TMEM45A: variants seen among roughly 807,000 people sequenced by gnomAD.
The protein encoded by TMEM45A is transmembrane protein 45A, also known as DNA polymerase-transactivated protein 4.
TMEM45A carries 25 observed loss-of-function variants against 32.0 expected under a neutral mutation model. That is an observed-to-expected ratio of 0.78 (90% CI 0.57 to 1.09). The LOEUF is 1.09. TMEM45A is among the 50% of genes least tolerant of loss of function. The pLI is 0.00. For missense variants in TMEM45A, 302 were observed against 325.0 expected (o/e 0.93, Z 0.54); for synonymous variants, 122 against 114.8 (o/e 1.06, Z -0.40).
chr3:100,564,783 C>T (rs758541588), intron 4 of TMEM45A, among the ~76,000 whole-genome samples: 9 of 152,228 alleles, frequency 5.9e-5, no homozygotes, highest in South Asian at 2.1e-4. Flanking sequence ...CACACCTGGC[C>T]GCAAATTATT....
In TMEM45A at chr3:100,505,077, A is replaced by G. The variant is rs568131483; in HGVS notation, c.-4+12149A>G. Reference sequence around the variant, plus strand: ...GTTGACCGTGTGGTTGTTGTCACAGACTCATTGCTGGGGAGTGTGGCTACC... The same window carrying G: ...GTTGACCGTGTGGTTGTTGTCACAGGCTCATTGCTGGGGAGTGTGGCTACC... On this transcript the variant is annotated intron_variant, in intron 1 of 5. Coordinates refer to ENST00000323523, the MANE Select transcript of TMEM45A (RefSeq NM_018004.3). Among the ~76,000 whole-genome samples the G allele has an allele frequency of 9.2e-5, 14 of 152,252 alleles. No homozygotes were observed. The East Asian group carries it at 2.7e-3, about 29-fold the overall frequency.
At chr3:100,573,990 A>G (rs1459850745) in intron 5 of TMEM45A, 1 of 152,080 alleles carries the variant, frequency 6.6e-6, no homozygotes, top group Non-Finnish European at 1.5e-5. Context: ...GTGCTGCTGG[A>G]TTCGGTTTGC....
rs1169471397 is a variant in TMEM45A at position 100,498,859 on chromosome 3, A to G, written c.-4+5931A>G. 2.6e-5 allele frequency among the ~76,000 whole-genome samples: 4 copies of G among 152,256 alleles called. No homozygotes were observed. The East Asian group carries it at 5.8e-4, about 22-fold the overall frequency. On this transcript the variant is annotated intron_variant, in intron 1 of 5. Coordinates refer to ENST00000323523, the MANE Select transcript of TMEM45A (RefSeq NM_018004.3). ...CCTACAGCAGTACACAAGGGTCTCA[A>G]TTTCTCCACATTCTTACCAACACTT...
intron 1 of TMEM45A, among the ~76,000 whole-genome samples, chr3:100,499,829 T>C (rs1046144924): frequency 2.6e-5 from 4 of 152,216 alleles, no homozygotes; most frequent in Admixed American, 6.5e-5. Context: ...TGAGCCGAGA[T>C]TGTGCCACTG....
chr3:100,526,508 C>G (rs1705547453), intron 1 of TMEM45A, among the ~76,000 whole-genome samples: 2 of 138,944 alleles, frequency 1.4e-5, no homozygotes, highest in Admixed American at 1.6e-4. Flanking sequence ...TGCCATTAAA[C>G]TAGCTGTGGG....
At position 100,568,745 on chromosome 3, in the gene TMEM45A, A is replaced by AT; in HGVS notation, c.589-77_589-76insT. 1.7e-5 allele frequency: 23 copies of AT among 1,362,628 alleles called. No individual in the cohort carries two copies. In the Admixed American group the frequency reaches 4.6e-4, roughly 27 times the overall value. The allele number at this position is 1,362,628 out of a possible 1,614,324, so 84.4% of individuals were successfully genotyped here. ...AGTTAACTTAGTTATTTACCTCGGAAGCAAGTATTTTGAAATGTACCATTT... is the reference window on the plus strand; with the variant it reads ...AGTTAACTTAGTTATTTACCTCGGAATGCAAGTATTTTGAAATGTACCATTT... On this transcript the variant is annotated intron_variant, in intron 4 of 5. Transcript: ENST00000323523.
chr3:100,504,331 C>T (rs1001747703), intron 1 of TMEM45A, among the ~76,000 whole-genome samples: 77 of 152,130 alleles, frequency 5.1e-4, no homozygotes, highest in African/African-American at 1.7e-3. Context: ...AACACTTCAT[C>T]TCAGTTCCTG....
intron 1 of TMEM45A, among the ~76,000 whole-genome samples, chr3:100,547,855 A>G (rs1274273076): frequency 6.6e-6 from 1 of 152,168 alleles, no homozygotes; most frequent in African/African-American, 2.4e-5. Context: ...AGTTAGTTAC[A>G]AGCAGGTGAT....
At chr3:100,547,083 G>A (rs1576282939) in intron 1 of TMEM45A, among the ~76,000 whole-genome samples, 1 of 151,970 alleles carries the variant, frequency 6.6e-6, no homozygotes, top group African/African-American at 2.4e-5. Context: ...ATTAACACAT[G>A]TTTCATATGT....
At chr3:100,515,651 A>G (rs1367022252) in intron 1 of TMEM45A, among the ~76,000 whole-genome samples, 1 of 151,794 alleles carries the variant, frequency 6.6e-6, no homozygotes, top group Admixed American at 6.6e-5. Flanking sequence ...AAAAGAAAAG[A>G]ACTATTGAGC....
Position 100,555,128 on chromosome 3 carries a change from A to G in TMEM45A, c.-3-81A>G, listed in dbSNP as rs910919165. The stretch of plus-strand genomic sequence containing the variant: ...ATCCATAATAATCAGAAGACAGTGT[A>G]CTTTATGGAAACAAGTGATGTTTTG... On this transcript the variant is annotated intron_variant, in intron 1 of 5. Transcript: ENST00000323523. The G allele has an allele frequency of 1.2e-5, 15 of 1,239,488 alleles. No homozygotes were observed. In the African/African-American group the frequency reaches 2.0e-4, roughly 16 times the overall value. 76.8% of individuals were successfully genotyped at this position (1,239,488 alleles called of 1,614,324 possible). A position where few individuals can be genotyped will look rare whatever the true frequency, so the allele number is the denominator to read the frequency against.
intron 1 of TMEM45A, among the ~76,000 whole-genome samples, chr3:100,520,812 A>C (rs1454474839): frequency 2.0e-5 from 3 of 152,158 alleles, no homozygotes; most frequent in Non-Finnish European, 4.4e-5. Context: ...TCACCAAGAA[A>C]AGCCTCTCAC....
intron 4 of TMEM45A, among the ~76,000 whole-genome samples, chr3:100,567,683 G>C (rs760688073): frequency 6.6e-6 from 1 of 152,118 alleles, no homozygotes; most frequent in Non-Finnish European, 1.5e-5. Context: ...TTTCAACAAT[G>C]TTATGCAGAT....
chr3:100,574,812 T>C (rs1244591190), intron 5 of TMEM45A, among the ~76,000 whole-genome samples: 2 of 152,248 alleles, frequency 1.3e-5, no homozygotes, highest in Non-Finnish European at 2.9e-5. Flanking sequence ...GTTGCAGAGC[T>C]CTTTAAATAT....
Position 100,515,168 on chromosome 3 carries a change from A to T in TMEM45A, c.-4+22240A>T, listed in dbSNP as rs1259288116. Among the ~76,000 whole-genome samples, 3 of 151,966 alleles carry T rather than the reference A, an allele frequency of 2.0e-5. No individual in the cohort carries two copies. In the East Asian group the frequency reaches 5.8e-4, roughly 29 times the overall value. On this transcript the variant is annotated intron_variant, in intron 1 of 5. Coordinates refer to ENST00000323523, the MANE Select transcript of TMEM45A (RefSeq NM_018004.3). ...CTATAAATCATGCTGCTATAAAGAC[A>T]CATGCACACGTATGTTTATTGTGTC...
chr3:100,518,518 CTTTGT>C (rs1316107334), intron 1 of TMEM45A, among the ~76,000 whole-genome samples: 1 of 152,142 alleles, frequency 6.6e-6, no homozygotes, highest in Non-Finnish European at 1.5e-5. Flanking sequence ...TCTTGGTTTA[CTTTGT>C]TTTATGGTAA....
At chr3:100,532,920 T>C (rs1181177038) in intron 1 of TMEM45A, among the ~76,000 whole-genome samples, 1 of 152,196 alleles carries the variant, frequency 6.6e-6, no homozygotes, top group Non-Finnish European at 1.5e-5. Flanking sequence ...TTTTCTTCCT[T>C]TGTTCCTTTT....
intron 1 of TMEM45A, among the ~76,000 whole-genome samples, chr3:100,549,531 C>T (rs1315904178): frequency 6.6e-6 from 1 of 152,174 alleles, no homozygotes; most frequent in Non-Finnish European, 1.5e-5. Context: ...TGCCCTCTGG[C>T]ACAATGTTTG....
intron 2 of TMEM45A, among the ~76,000 whole-genome samples, chr3:100,555,917 T>G (rs1353982581): frequency 1.3e-5 from 2 of 152,214 alleles, no homozygotes; most frequent in African/African-American, 4.8e-5. Flanking sequence ...AATAAGGCAG[T>G]ATCTGTAGGA....
Sources: gnomAD v4.1 joint callset for allele counts (sites outside exome capture counted in the v4.1 genomes callset) on GRCh38, gnomAD v4.1.1 for gene constraint, MANE v1.5 for transcripts, NCBI Gene and HGNC (gene_info 2026-07-23, HGNC 2026-07-21) for gene names.